Variants in KLF12 observed in about 807,000 individuals in gnomAD.
The protein encoded by KLF12 is KLF transcription factor 12.
A neutral mutation model predicts 37.8 loss-of-function variants in KLF12; 9 were observed. The ratio of observed to expected loss-of-function variants is 0.24; its 90% CI spans 0.14 to 0.42. The LOEUF is 0.42. KLF12 is among the 10% of genes least tolerant of loss of function. The pLI is 1.00. For synonymous variants in KLF12, 208 were observed against 202.1 expected (o/e 1.03, Z -0.25); for missense variants, 411 against 516.0 (o/e 0.80, Z 1.97).
the KLF12 span, chr13:74,256,855 T>C: frequency 6.6e-6 from 1 of 152,206 alleles, no homozygotes; most frequent in Non-Finnish European, 1.5e-5. Flanking sequence ...AATAATTAAA[T>C]TTTGTGTCAC....
intron 3 of KLF12, among the ~76,000 whole-genome samples, chr13:73,868,427 C>A (rs963395860): frequency 1.3e-5 from 2 of 151,292 alleles, no homozygotes; most frequent in Admixed American, 6.6e-5. Flanking sequence ...GTCTCACTGT[C>A]ACCCCCAGGC....
chr13:73,802,974 T>C (rs1882359769), intron 5 of KLF12, among the ~76,000 whole-genome samples: 1 of 152,138 alleles, frequency 6.6e-6, no homozygotes, highest in Non-Finnish European at 1.5e-5. Flanking sequence ...ACAGAACAAA[T>C]ACCTATATAT....
At chr13:73,785,807 A>G (rs1881303755) in intron 5 of KLF12, among the ~76,000 whole-genome samples, 1 of 152,012 alleles carries the variant, frequency 6.6e-6, no homozygotes, top group Non-Finnish European at 1.5e-5. Flanking sequence ...ATAGCACACT[A>G]TTATCTGCTG....
the KLF12 span, among the ~76,000 whole-genome samples, chr13:74,260,676 A>G: frequency 6.6e-6 from 1 of 151,752 alleles, no homozygotes; most frequent in East Asian, 1.9e-4. Flanking sequence ...TTGGGCTTCA[A>G]ATGGAAAAGC....
At chr13:74,103,513 A>G (rs1422854573) in intron 1 of KLF12, among the ~76,000 whole-genome samples, 1 of 152,182 alleles carries the variant, frequency 6.6e-6, no homozygotes, top group Non-Finnish European at 1.5e-5. Flanking sequence ...ACTGGCAGTC[A>G]CTAATATTCT....
chr13:74,099,648 C>T (rs151090076), intron 1 of KLF12, among the ~76,000 whole-genome samples: 10 of 152,150 alleles, frequency 6.6e-5, no homozygotes, highest in African/African-American at 2.4e-4. Context: ...GGAAGAAAAC[C>T]TACATGCAGG....
chr13:73,732,081 C>T (rs1441088731), intron 6 of KLF12, among the ~76,000 whole-genome samples: 2 of 116,184 alleles, frequency 1.7e-5, no homozygotes, highest in Non-Finnish European at 3.4e-5. Flanking sequence ...ATTATTAACC[C>T]TATTTTTTTT....
At chr13:74,218,396 C>T in the KLF12 span, among the ~76,000 whole-genome samples, 8 of 152,056 alleles carry the variant, frequency 5.3e-5, no homozygotes, top group Non-Finnish European at 1.0e-4. Context: ...CTGGGAAATG[C>T]GGTTGTCTGG....
chr13:74,241,649 G>C, the KLF12 span, among the ~76,000 whole-genome samples: 8 of 152,316 alleles, frequency 5.3e-5, no homozygotes, highest in East Asian at 1.9e-4. Flanking sequence ...ATATAATCTC[G>C]TGGTGCGCCG....
intron 7 of KLF12, among the ~76,000 whole-genome samples, chr13:73,701,484 T>C (rs189985811): frequency 1.3e-5 from 2 of 152,336 alleles, no homozygotes; most frequent in East Asian, 3.9e-4. Flanking sequence ...CAATAGTCTT[T>C]AAAAATGTGT....
chr13:73,730,724 G>A (rs776925356), intron 6 of KLF12, among the ~76,000 whole-genome samples: 2 of 151,932 alleles, frequency 1.3e-5, no homozygotes, highest in African/African-American at 2.4e-5. Context: ...AAGAGAAGGC[G>A]GAAGAGAGAA....
At chr13:74,138,202 T>C (rs543537580), upstream of KLF12, among the ~76,000 whole-genome samples, 1 of 152,348 alleles carries the variant, frequency 6.6e-6, no homozygotes, top group South Asian at 2.1e-4. Context: ...CTAATACGAT[T>C]TCAAGGAATA....
At chr13:73,798,685 T>C (rs1230216554) in intron 5 of KLF12, among the ~76,000 whole-genome samples, 2 of 152,160 alleles carry the variant, frequency 1.3e-5, no homozygotes, top group African/African-American at 4.8e-5. Context: ...CACTGATCAT[T>C]AGAGAAATGG....
chr13:73,914,187 T>C (rs559629779), intron 3 of KLF12, among the ~76,000 whole-genome samples: 2 of 152,358 alleles, frequency 1.3e-5, no homozygotes, highest in African/African-American at 4.8e-5. Flanking sequence ...TATCTGCTCC[T>C]GATCCCTTGA....
At chr13:73,858,881 T>C (rs564005930) in intron 3 of KLF12, among the ~76,000 whole-genome samples, 2 of 152,204 alleles carry the variant, frequency 1.3e-5, no homozygotes, top group Non-Finnish European at 2.9e-5. Flanking sequence ...TCAGAATGCA[T>C]AAACTGAAAA....
the KLF12 span, among the ~76,000 whole-genome samples, chr13:74,237,669 G>T: frequency 1.3e-5 from 2 of 151,540 alleles, no homozygotes; most frequent in African/African-American, 4.9e-5. Flanking sequence ...TCCCTTGTAA[G>T]TTGGATTCCT....
At chr13:74,126,420 T>A (rs1299486710) in intron 1 of KLF12, among the ~76,000 whole-genome samples, 1 of 152,190 alleles carries the variant, frequency 6.6e-6, no homozygotes, top group Non-Finnish European at 1.5e-5. Context: ...CTATTAGTCA[T>A]TAAAAGTATT....
the KLF12 span, among the ~76,000 whole-genome samples, chr13:74,191,984 A>G: frequency 6.6e-6 from 1 of 152,080 alleles, no homozygotes; most frequent in Non-Finnish European, 1.5e-5. Context: ...ACTTCAAATT[A>G]CCTATGTTGA....
intron 1 of KLF12, among the ~76,000 whole-genome samples, chr13:74,003,711 T>A (rs1892340085): frequency 6.6e-6 from 1 of 152,160 alleles, no homozygotes; most frequent in Non-Finnish European, 1.5e-5. Context: ...CAAATATGAA[T>A]CAATGAAAAT....
Sources: allele counts gnomAD v4.1 joint callset (sites outside exome capture counted in the v4.1 genomes callset), GRCh38; gene constraint gnomAD v4.1.1; transcripts MANE v1.5; gene names NCBI Gene and HGNC (gene_info 2026-07-23, HGNC 2026-07-21).